RUVBL1: variants seen among roughly 807,000 people sequenced by gnomAD.
RUVBL1 encodes ruvB-like 1.
Under a neutral mutation model 52.4 loss-of-function variants are expected in RUVBL1, and 4 were observed. The observed-to-expected ratio is 0.08, with a 90% CI of 0.04 to 0.17. RUVBL1 has a LOEUF of 0.17. RUVBL1 is among the 10% of genes least tolerant of loss of function. The pLI is 1.00. For synonymous variants in RUVBL1, 217 were observed against 214.4 expected, an observed-to-expected ratio of 1.01 and a Z score of -0.10; for missense variants, 298 against 572.8, an observed-to-expected ratio of 0.52 and a Z score of 4.90.
intron 1 of RUVBL1, among the ~76,000 whole-genome samples, chr3:128,140,957 A>G (rs757662514): frequency 1.3e-5 from 2 of 152,240 alleles, no homozygotes; most frequent in African/African-American, 2.4e-5. Context: ...CCCTGGCATT[A>G]AGGGACACAT....
chr3:128,099,089 G>C (rs1164410027), intron 6 of RUVBL1, 144 bp from the exon 7 acceptor site: 1 of 669,218 alleles, frequency 1.5e-6, no homozygotes, highest in African/African-American at 1.8e-5. Context: ...TCTAAACACA[G>C]AGGAATTTTT....
chr3:128,080,836 T>A lies in RUVBL1; in HGVS notation c.*414A>T. ...AATGTGAACGCAGTAGAATAATGCATCAGTATTGGTCATTCACGGTGACAA... is the reference window on the plus strand; with the variant it reads ...AATGTGAACGCAGTAGAATAATGCAACAGTATTGGTCATTCACGGTGACAA... On this transcript the variant is annotated 3_prime_UTR_variant, in exon 11 of 11. Transcript: ENST00000322623. 6.0e-6 allele frequency: 1 copy of A among 167,704 alleles called. No individual in the cohort carries two copies. Among genetic ancestry groups the A allele is most frequent in the Non-Finnish European group, 1.3e-5 (1 of 76,910 alleles). The allele number at this position is 167,704 out of a possible 1,614,324, so 10.4% of individuals were successfully genotyped here.
intron 4 of RUVBL1, among the ~76,000 whole-genome samples, chr3:128,104,415 T>C (rs1022335714): frequency 1.3e-5 from 2 of 152,240 alleles, no homozygotes; most frequent in Non-Finnish European, 2.9e-5. Context: ...TGGGCACTGA[T>C]AACTGGAAAA....
chr3:128,129,836 A>G (rs1943847936), intron 1 of RUVBL1, among the ~76,000 whole-genome samples: 1 of 152,220 alleles, frequency 6.6e-6, no homozygotes, highest in Non-Finnish European at 1.5e-5. Flanking sequence ...AAAAAGTACA[A>G]TGGTGGTTGC....
rs1036229343 is a variant in RUVBL1, at chr3:128,121,477, G to A, written c.142-2063C>T. ...TGTAATCCCAGCACTTCGGGAGGCC[G>A]AGGCAGGTGATCACCTGAGGTCAGG... On this transcript the variant is annotated intron_variant, in intron 1 of 10. Transcript: ENST00000322623. 5.9e-5 allele frequency among the ~76,000 whole-genome samples: 9 copies of A among 151,308 alleles called. No individual in the cohort carries two copies. The South Asian group carries it at 6.3e-4, about 11-fold the overall frequency.
At chr3:128,140,161 T>C (rs1052841808) in intron 1 of RUVBL1, among the ~76,000 whole-genome samples, 1 of 151,396 alleles carries the variant, frequency 6.6e-6, no homozygotes, top group Non-Finnish European at 1.5e-5. Context: ...GTACCTACTA[T>C]GTACCCATAT....
chr3:128,124,083 TC>T (rs1419305123), upstream of RUVBL1, among the ~76,000 whole-genome samples: 5 of 152,254 alleles, frequency 3.3e-5, no homozygotes, highest in Non-Finnish European at 7.4e-5. Flanking sequence ...TCCTAATCCT[TC>T]CGTCCTATCC....
intron 1 of RUVBL1, among the ~76,000 whole-genome samples, chr3:128,144,449 A>G (rs544561510): frequency 2.6e-5 from 4 of 152,216 alleles, no homozygotes; most frequent in Non-Finnish European, 5.9e-5. Flanking sequence ...AATCCCAAAT[A>G]ATCGCAGTTC....
In RUVBL1 at chr3:128,087,818, G is replaced by A. The variant is rs1399236945; in HGVS notation, c.1017-10C>T. 6.3e-7 allele frequency: 1 copy of A among 1,596,500 alleles called. No homozygotes were observed. The highest frequency in any genetic ancestry group is 1.1e-5 in the South Asian group (1 of 90,714). ...GATGTCCTCAGTGCCTCTGTAAGGG[G>A]CAAAATTAATCCCATCACCTAAGCC... On this transcript the variant is annotated splice_polypyrimidine_tract_variant and intron_variant, in intron 8 of 10. Transcript: ENST00000322623.
chr3:128,105,351 AC>A (rs1396255856), intron 3 of RUVBL1, among the ~76,000 whole-genome samples: 5 of 151,900 alleles, frequency 3.3e-5, no homozygotes, highest in African/African-American at 1.2e-4. Flanking sequence ...TGATCTCCTG[AC>A]CTCATGATCT....
At position 128,101,304 on chromosome 3, in the gene RUVBL1, C is replaced by G. The variant is rs565289409; in HGVS notation, c.603+255G>C. Reference sequence around the variant, plus strand: ...TTTTGGTTTCTCACCCTGTCCTCCCCCTCTGAACAGGTTTTAGTATTTTTT... The same window carrying G: ...TTTTGGTTTCTCACCCTGTCCTCCCGCTCTGAACAGGTTTTAGTATTTTTT... On this transcript the variant is annotated intron_variant, in intron 5 of 10. Transcript: ENST00000322623. 3.3e-5 allele frequency among the ~76,000 whole-genome samples: 5 copies of G among 152,284 alleles called. No individual in the cohort carries two copies. In the East Asian group the frequency reaches 5.8e-4, roughly 18 times the overall value.
At chr3:128,106,535 C>T (rs1381671021) in intron 3 of RUVBL1, among the ~76,000 whole-genome samples, 1 of 152,048 alleles carries the variant, frequency 6.6e-6, no homozygotes, top group African/African-American at 2.4e-5. Flanking sequence ...ACTGGCACAG[C>T]AGCAGCCCAC....
At chr3:128,141,587 C>T (rs570095733) in intron 1 of RUVBL1, among the ~76,000 whole-genome samples, 1 of 152,284 alleles carries the variant, frequency 6.6e-6, no homozygotes, top group South Asian at 2.1e-4. Context: ...ACCTCTGCCT[C>T]CCCAGATCAA....
intron 3 of RUVBL1, 118 bp from the exon 4 acceptor site, chr3:128,105,042 G>A: frequency 1.8e-6 from 2 of 1,110,226 alleles, no homozygotes; most frequent in Non-Finnish European, 2.5e-6. Context: ...TACATTCCAG[G>A]GTGTCATGAT....
downstream of RUVBL1, among the ~76,000 whole-genome samples, chr3:128,077,833 C>T (rs1252674545): frequency 6.6e-6 from 1 of 152,212 alleles, no homozygotes; most frequent in Non-Finnish European, 1.5e-5. Context: ...GTTTGACAAA[C>T]TGTGACCTCT....
intron 1 of RUVBL1, among the ~76,000 whole-genome samples, chr3:128,136,510 C>T (rs1482377373): frequency 1.3e-5 from 2 of 151,266 alleles, no homozygotes; most frequent in Non-Finnish European, 2.9e-5. Context: ...CCTGTAGTCC[C>T]AGTCACTTGG....
chr3:128,097,555 C>T (rs1284531901), intron 7 of RUVBL1, 57 bp from the exon 8 acceptor site: 1 of 1,462,662 alleles, frequency 6.8e-7, no homozygotes, highest in Non-Finnish European at 9.6e-7. Context: ...GAGACTATCG[C>T]CTTTTCTCCT....
chr3:128,084,501 T>C (rs1942578664), intron 9 of RUVBL1: 1 of 152,198 alleles, frequency 6.6e-6, no homozygotes, highest in Non-Finnish European at 1.5e-5. Context: ...TCCTGGAGCC[T>C]GGTCATAGGA....
exon 1 of RUVBL1, chr3:128,153,895 G>T: frequency 1.4e-6 from 2 of 1,427,890 alleles, no homozygotes; most frequent in Non-Finnish European, 1.8e-6. Flanking sequence ...GTCCGAATTC[G>T]CTCGAGCCTT....
Sources: allele counts gnomAD v4.1 joint callset (sites outside exome capture counted in the v4.1 genomes callset), GRCh38; gene constraint gnomAD v4.1.1; transcripts MANE v1.5; gene names NCBI Gene and HGNC (gene_info 2026-07-23, HGNC 2026-07-21).